KCNK10: variants seen among roughly 807,000 people sequenced by gnomAD.
The protein encoded by KCNK10 is potassium two pore domain channel subfamily K member 10.
KCNK10 carries 25 observed loss-of-function variants against 47.7 expected under a neutral mutation model. The ratio of observed to expected loss-of-function variants is 0.52; its 90% CI spans 0.38 to 0.73. The LOEUF (loss-of-function observed/expected upper bound fraction) is 0.73, where lower values mean the gene tolerates loss of function less well. KCNK10 is among the 30% of genes least tolerant of loss of function. The probability of loss-of-function intolerance (pLI) is 0.00; values close to 1 mark genes in which losing one functional copy is unlikely to be tolerated. For missense variants in KCNK10, 563 were observed against 714.5 expected, an observed-to-expected ratio of 0.79 and a Z score of 2.42; for synonymous variants, 303 against 285.6, an observed-to-expected ratio of 1.06 and a Z score of -0.61.
chr14:88,233,633 T>G (rs1019784202), intron 3 of KCNK10, among the ~76,000 whole-genome samples: 1 of 152,156 alleles, frequency 6.6e-6, no homozygotes, highest in Admixed American at 6.5e-5. Flanking sequence ...GATTCCGGTG[T>G]AAGCACACAC....
rs1199160429 is a variant in KCNK10, at chr14:88,182,367, A to G, written c.*3168T>C. 1.3e-5 allele frequency: 2 copies of G among 152,332 alleles called. No individual in the cohort carries two copies. Among genetic ancestry groups the G allele is most frequent in the Admixed American group, 1.3e-4 (2 of 15,284 alleles). 9.4% of individuals were successfully genotyped at this position (152,332 alleles called of 1,614,324 possible). A position where few individuals can be genotyped will look rare whatever the true frequency, so the allele number is the denominator to read the frequency against. On this transcript the variant is annotated 3_prime_UTR_variant, in exon 7 of 7. Coordinates refer to ENST00000319231, the MANE Select transcript of KCNK10 (RefSeq NM_138317.3). Reference sequence around the variant, plus strand: ...TGGAAAGGGGGGGCTGTGCTGATGCATGTATAGAATGTGTAGCAGCTTTGA... The same window carrying G: ...TGGAAAGGGGGGGCTGTGCTGATGCGTGTATAGAATGTGTAGCAGCTTTGA...
intron 1 of KCNK10, among the ~76,000 whole-genome samples, chr14:88,299,286 A>G (rs1374307477): frequency 6.6e-6 from 1 of 152,228 alleles, no homozygotes; most frequent in Non-Finnish European, 1.5e-5. Context: ...TCAGCTGACC[A>G]GTGGCAGAGC....
At chr14:88,233,665 C>T (rs985673983) in intron 3 of KCNK10, among the ~76,000 whole-genome samples, 2 of 152,200 alleles carry the variant, frequency 1.3e-5, no homozygotes, top group African/African-American at 2.4e-5. Context: ...CAAAAACCAT[C>T]GCATATCAAA....
intron 4 of KCNK10, among the ~76,000 whole-genome samples, chr14:88,217,203 C>G (rs1885648786): frequency 6.6e-6 from 1 of 152,106 alleles, no homozygotes; most frequent in South Asian, 2.1e-4. Flanking sequence ...ATTAATCCTA[C>G]TGAGTTAGTT....
intron 4 of KCNK10, among the ~76,000 whole-genome samples, chr14:88,225,135 G>A (rs1476611955): frequency 6.6e-6 from 1 of 152,146 alleles, no homozygotes; most frequent in East Asian, 1.9e-4. Flanking sequence ...TTTAAATGTA[G>A]TTTAAATCAA....
intron 4 of KCNK10, among the ~76,000 whole-genome samples, chr14:88,197,481 G>C (rs1884950652): frequency 6.8e-6 from 1 of 146,518 alleles, no homozygotes; most frequent in Non-Finnish European, 1.5e-5. Context: ...ACTGAGGCAG[G>C]GAGAATCACT....
chr14:88,296,292 G>T (rs1887982709), intron 1 of KCNK10, among the ~76,000 whole-genome samples: 1 of 152,142 alleles, frequency 6.6e-6, no homozygotes, highest in African/African-American at 2.4e-5. Flanking sequence ...CTAACTGTAT[G>T]ACCTTGGACA....
At chr14:88,326,591 GGCGCAAAGTCTCCCT>G (rs1566725953), upstream of KCNK10, 3 of 685,616 alleles carry the variant, frequency 4.4e-6, no homozygotes, top group Non-Finnish European at 7.5e-6. Flanking sequence ...AAAACATCGT[GGCGCAAAGTCTCCCT>G]GCACTCGCCG....
intron 4 of KCNK10, among the ~76,000 whole-genome samples, chr14:88,222,182 A>G (rs1223588742): frequency 1.3e-5 from 2 of 152,154 alleles, no homozygotes. Context: ...AGCCTATCAA[A>G]TCTCGTGAGG....
chr14:88,254,408 G>T (rs1206813411), intron 2 of KCNK10, among the ~76,000 whole-genome samples: 1 of 152,130 alleles, frequency 6.6e-6, no homozygotes, highest in African/African-American at 2.4e-5. Flanking sequence ...ATTCCCTTCA[G>T]CGAGGCTATG....
At chr14:88,232,359 G>A (rs932401854) in intron 3 of KCNK10, among the ~76,000 whole-genome samples, 9 of 152,112 alleles carry the variant, frequency 5.9e-5, no homozygotes, top group African/African-American at 1.9e-4. Context: ...CAGCTCTCAC[G>A]GTTCCTCTTT....
At chr14:88,258,590 C>A (rs12893722) in intron 2 of KCNK10, among the ~76,000 whole-genome samples, 1 of 151,942 alleles carries the variant, frequency 6.6e-6, no homozygotes, top group Non-Finnish European at 1.5e-5. Context: ...AACCCGGCCG[C>A]GTCTTCTTCT....
At position 88,186,196 on chromosome 14, in the gene KCNK10, C is replaced by A. The variant is rs774705739; in HGVS notation, c.1012-41G>T. 24 of 1,530,302 alleles carry A rather than the reference C, an allele frequency of 1.6e-5. No individual in the cohort carries two copies. The highest frequency in any genetic ancestry group is 2.0e-5 in the Non-Finnish European group (23 of 1,137,738). 94.8% of individuals were successfully genotyped at this position (1,530,302 alleles called of 1,614,324 possible). ...AAGAGCAACAATATGCTGACAAATG[C>A]CTCCCTGCCTTGGCCTCCCAGCACC... On this transcript the variant is annotated intron_variant, in intron 6 of 6. Coordinates refer to ENST00000319231, the MANE Select transcript of KCNK10 (RefSeq NM_138317.3). The surrounding 1 kb of genome is among the most constrained non-coding windows in gnomAD (Gnocchi z 5.5).
intron 3 of KCNK10, among the ~76,000 whole-genome samples, chr14:88,227,772 T>A (rs375931877): frequency 2.0e-5 from 3 of 152,222 alleles, no homozygotes; most frequent in Non-Finnish European, 4.4e-5. Context: ...AAATTCATGG[T>A]CACTCAGAAC....
chr14:88,299,513 AT>A (rs1286190825), intron 1 of KCNK10, among the ~76,000 whole-genome samples: 2 of 152,248 alleles, frequency 1.3e-5, no homozygotes, highest in Non-Finnish European at 2.9e-5. Context: ...ATTCAGTTTC[AT>A]CATGTCACAG....
At chr14:88,234,062 T>C (rs1185490436) in intron 3 of KCNK10, among the ~76,000 whole-genome samples, 5 of 152,210 alleles carry the variant, frequency 3.3e-5, no homozygotes, top group African/African-American at 1.2e-4. Context: ...CTGAACACAA[T>C]GAAACCTGAC....
intron 1 of KCNK10, among the ~76,000 whole-genome samples, chr14:88,284,894 G>T (rs1280388078): frequency 6.6e-6 from 1 of 152,060 alleles, no homozygotes; most frequent in East Asian, 1.9e-4. Context: ...TATAAAATGG[G>T]TACGATAAAG....
intron 4 of KCNK10, among the ~76,000 whole-genome samples, chr14:88,201,006 TAAA>T: frequency 6.6e-6 from 1 of 152,306 alleles, no homozygotes; most frequent in Non-Finnish European, 1.5e-5. Context: ...CTCTTCGTAG[TAAA>T]GGGAGTTGTT....
upstream of KCNK10, chr14:88,326,665 T>A (rs1888670090): frequency 5.2e-6 from 3 of 578,000 alleles, no homozygotes; most frequent in Non-Finnish European, 9.1e-6. Flanking sequence ...CTGGGTGCAC[T>A]CGGTGGCAAA....
Sources: allele counts gnomAD v4.1 joint callset (sites outside exome capture counted in the v4.1 genomes callset), GRCh38; gene constraint gnomAD v4.1.1; non-coding constraint Gnocchi (gnomAD v3.1); transcripts MANE v1.5; gene names NCBI Gene and HGNC (gene_info 2026-07-23, HGNC 2026-07-21).